Variants in RIMS2 observed in about 807,000 individuals in gnomAD.
RIMS2 encodes regulating synaptic membrane exocytosis 2.
In RIMS2, 59 loss-of-function variants were observed where a neutral mutation model predicts 174.4. That is an observed-to-expected ratio of 0.34 (90% CI 0.27 to 0.42). The LOEUF (loss-of-function observed/expected upper bound fraction) is 0.42. Ranked by LOEUF, RIMS2 falls within the 10% of genes least tolerant of loss-of-function variation. The probability of loss-of-function intolerance (pLI) is 1.00; values close to 1 mark genes in which losing one functional copy is unlikely to be tolerated. For missense variants in RIMS2, 1,620 were observed against 1,666.3 expected (o/e 0.97, Z 0.48); for synonymous variants, 606 against 572.5 (o/e 1.06, Z -0.84).
intron 19 of RIMS2, among the ~76,000 whole-genome samples, chr8:104,243,017 T>A (rs902629899): frequency 6.6e-6 from 1 of 152,348 alleles, no homozygotes; most frequent in Middle Eastern, 3.4e-3. Context: ...TTGATTCCAA[T>A]GGAGGTTGCA....
At chr8:104,104,836 C>T (rs1294382642) in intron 19 of RIMS2, among the ~76,000 whole-genome samples, 2 of 150,056 alleles carry the variant, frequency 1.3e-5, no homozygotes, top group African/African-American at 2.5e-5. Flanking sequence ...GCTGAGATCA[C>T]ACCACTGCAC....
chr8:103,959,353 G>T (rs2088937446), intron 14 of RIMS2, among the ~76,000 whole-genome samples: 2 of 151,802 alleles, frequency 1.3e-5, no homozygotes, highest in South Asian at 4.2e-4. Flanking sequence ...TTTATACTCT[G>T]CTTTCTGTCT....
intron 13 of RIMS2, among the ~76,000 whole-genome samples, chr8:103,941,837 G>A (rs2082615752): frequency 6.6e-6 from 1 of 152,042 alleles, no homozygotes; most frequent in Non-Finnish European, 1.5e-5. Context: ...CTTACAAGCT[G>A]GTGTGACCTT....
At chr8:103,773,777 G>T (rs897985240) in intron 3 of RIMS2, among the ~76,000 whole-genome samples, 5 of 152,046 alleles carry the variant, frequency 3.3e-5, no homozygotes, top group African/African-American at 4.8e-5. Context: ...ATACCCACTA[G>T]AAATCCTACG....
intron 3 of RIMS2, among the ~76,000 whole-genome samples, chr8:103,876,371 A>G (rs1006728393): frequency 6.6e-6 from 1 of 150,966 alleles, no homozygotes; most frequent in Non-Finnish European, 1.5e-5. Flanking sequence ...TCCCTTCCCC[A>G]GTGTATGGTT....
At chr8:103,833,809 C>T (rs1338625635) in intron 3 of RIMS2, among the ~76,000 whole-genome samples, 1 of 151,784 alleles carries the variant, frequency 6.6e-6, no homozygotes, top group Non-Finnish European at 1.5e-5. Context: ...AAATCTTTTT[C>T]TGCTAATTTT....
chr8:103,693,428 G>A (rs2097058108), intron 1 of RIMS2, among the ~76,000 whole-genome samples: 1 of 152,180 alleles, frequency 6.6e-6, no homozygotes, highest in Non-Finnish European at 1.5e-5. Context: ...CCTGTGAGGA[G>A]GATAATTAAT....
chr8:104,039,124 C>G (rs1039468022), intron 19 of RIMS2, among the ~76,000 whole-genome samples: 1 of 151,764 alleles, frequency 6.6e-6, no homozygotes, highest in East Asian at 1.9e-4. Context: ...AATTACTTGA[C>G]AGTTGTAGAA....
chr8:103,815,586 T>G (rs1167081075), intron 3 of RIMS2, among the ~76,000 whole-genome samples: 1 of 152,210 alleles, frequency 6.6e-6, no homozygotes, highest in East Asian at 1.9e-4. Context: ...AATATGGAGC[T>G]GATCTTGCTT....
intron 6 of RIMS2, among the ~76,000 whole-genome samples, chr8:103,915,273 T>C (rs1362991981): frequency 6.6e-6 from 1 of 152,030 alleles, no homozygotes; most frequent in East Asian, 1.9e-4. Context: ...CTTCAGCAAA[T>C]TATGGATTAA....
At chr8:103,661,279 T>G (rs1435971029) in intron 1 of RIMS2, among the ~76,000 whole-genome samples, 2 of 152,202 alleles carry the variant, frequency 1.3e-5, no homozygotes, top group African/African-American at 2.4e-5. Context: ...GTTTTACTAT[T>G]GATGTGCGTT....
At chr8:103,716,750 A>G (rs2097372638) in intron 2 of RIMS2, among the ~76,000 whole-genome samples, 1 of 152,058 alleles carries the variant, frequency 6.6e-6, no homozygotes, top group African/African-American at 2.4e-5. Flanking sequence ...CTGAATATGA[A>G]TTTTCTGAAG....
At chr8:104,202,471 G>C (rs1459353410) in intron 19 of RIMS2, among the ~76,000 whole-genome samples, 1 of 152,184 alleles carries the variant, frequency 6.6e-6, no homozygotes, top group Non-Finnish European at 1.5e-5. Flanking sequence ...TTATCTTGAA[G>C]CATACTTTAC....
At chr8:103,676,059 A>G (rs1387726974) in intron 1 of RIMS2, among the ~76,000 whole-genome samples, 1 of 152,210 alleles carries the variant, frequency 6.6e-6, no homozygotes, top group Non-Finnish European at 1.5e-5. Context: ...ACCCAAGGAA[A>G]AAAGGTACAT....
At chr8:103,948,664 G>C (rs2084440957) in intron 14 of RIMS2, among the ~76,000 whole-genome samples, 1 of 152,152 alleles carries the variant, frequency 6.6e-6, no homozygotes, top group Non-Finnish European at 1.5e-5. Flanking sequence ...CAGTTGGCTG[G>C]AAGTAGCAAT....
chr8:103,915,742 CTA>C lies in RIMS2; in HGVS notation c.1912+150_1912+151del, dbSNP rs1595077473. On this transcript the variant is annotated intron_variant, in intron 7 of 23. Transcript: ENST00000504942. ...TCTATTCATTAATGGAAAGGCAAAA[CTA>C]TTATTTCTTGAGTCATAGTAGATAA... is the stretch of plus-strand genomic sequence containing the variant. 2.8e-4 allele frequency: 123 copies of C among 437,874 alleles called. 1 individual carries two copies. In the East Asian group the frequency reaches 4.1e-3, roughly 15 times the overall value. 27.1% of individuals were successfully genotyped at this position (437,874 alleles called of 1,614,324 possible). A position where few individuals can be genotyped will look rare whatever the true frequency, so the allele number is the denominator to read the frequency against.
At chr8:103,911,603 T>C (rs965056522) in intron 5 of RIMS2, among the ~76,000 whole-genome samples, 3 of 152,222 alleles carry the variant, frequency 2.0e-5, no homozygotes, top group African/African-American at 7.2e-5. Flanking sequence ...TTTAAATTTT[T>C]ACTGTAATAC....
chr8:104,154,885 C>G (rs2098711807), intron 19 of RIMS2, among the ~76,000 whole-genome samples: 1 of 151,810 alleles, frequency 6.6e-6, no homozygotes, highest in Non-Finnish European at 1.5e-5. Context: ...ATATGGTGAT[C>G]CTCAATGAAA....
chr8:103,680,972 C>A (rs2096873362), intron 1 of RIMS2, among the ~76,000 whole-genome samples: 1 of 151,496 alleles, frequency 6.6e-6, no homozygotes. Flanking sequence ...GCGTAAATGC[C>A]CTAGGGAAAA....
Sources: gnomAD v4.1 joint callset for allele counts (sites outside exome capture counted in the v4.1 genomes callset) on GRCh38, gnomAD v4.1.1 for gene constraint, MANE v1.5 for transcripts, NCBI Gene and HGNC (gene_info 2026-07-23, HGNC 2026-07-21) for gene names.